Variants in COL5A2 observed in about 807,000 individuals in gnomAD.
COL5A2 encodes collagen type V alpha 2 chain.
COL5A2 carries 23 observed loss-of-function variants against 208.2 expected under a neutral mutation model. The observed-to-expected ratio is 0.11, with a 90% CI of 0.08 to 0.16. The LOEUF (loss-of-function observed/expected upper bound fraction) is 0.16. Ranked by LOEUF, COL5A2 falls within the 10% of genes least tolerant of loss-of-function variation. COL5A2 has a pLI of 1.00. For missense variants in COL5A2, 1,590 were observed against 1,956.4 expected (o/e 0.81, Z 3.53); for synonymous variants, 625 against 628.5 (o/e 0.99, Z 0.08).
intron 1 of COL5A2, among the ~76,000 whole-genome samples, chr2:189,176,338 C>T (rs1218338148): frequency 6.6e-6 from 1 of 152,160 alleles, no homozygotes; most frequent in Non-Finnish European, 1.5e-5. Context: ...AGTGGACATG[C>T]ACCTTCAGTT....
intron 16 of COL5A2, among the ~76,000 whole-genome samples, chr2:189,075,649 C>T (rs1339960403): frequency 6.6e-6 from 1 of 151,992 alleles, no homozygotes; most frequent in African/African-American, 2.4e-5. Flanking sequence ...TAGCAATAAG[C>T]AATAAAATCA....
intron 12 of COL5A2, among the ~76,000 whole-genome samples, chr2:189,081,948 C>T (rs1410807911): frequency 6.6e-6 from 1 of 152,072 alleles, no homozygotes; most frequent in Non-Finnish European, 1.5e-5. Flanking sequence ...TTACCACTGC[C>T]GCCAGTATAT....
At chr2:189,242,155 T>C in the COL5A2 span, among the ~76,000 whole-genome samples, 1,437 of 152,340 alleles carry the variant, frequency 9.4e-3, 11 homozygotes, top group Non-Finnish European at 0.016. Context: ...ATTTTTATTT[T>C]GTTTATAGTG....
chr2:189,187,529 ATTG>A (rs1163307135), intron 1 of COL5A2, among the ~76,000 whole-genome samples: 1 of 152,206 alleles, frequency 6.6e-6, no homozygotes, highest in African/African-American at 2.4e-5. Context: ...CTCATTGGTA[ATTG>A]TTGTAAGTAT....
chr2:189,036,900 C>A, intron 51 of COL5A2, 97 bp from the exon 52 acceptor site: 1 of 982,362 alleles, frequency 1.0e-6, no homozygotes, highest in African/African-American at 1.6e-5. Flanking sequence ...AATATACACT[C>A]ACTGATTAAG....
the COL5A2 span, among the ~76,000 whole-genome samples, chr2:189,401,628 A>G: frequency 6.6e-6 from 1 of 152,200 alleles, no homozygotes; most frequent in Non-Finnish European, 1.5e-5. Flanking sequence ...TAGGTCTTTG[A>G]GGAATCATGA....
chr2:189,226,372 T>A (rs769728544), upstream of COL5A2, among the ~76,000 whole-genome samples: 4 of 152,070 alleles, frequency 2.6e-5, no homozygotes, highest in Non-Finnish European at 4.4e-5. Flanking sequence ...CTAATTCTGT[T>A]TATGAGAAAT....
At chr2:189,284,807 C>T in the COL5A2 span, among the ~76,000 whole-genome samples, 1 of 152,072 alleles carries the variant, frequency 6.6e-6, no homozygotes, top group Non-Finnish European at 1.5e-5. Flanking sequence ...TAGCCTACTA[C>T]ACGCACAGGC....
At chr2:189,226,102 C>A (rs534426469), upstream of COL5A2, among the ~76,000 whole-genome samples, 2 of 152,060 alleles carry the variant, frequency 1.3e-5, no homozygotes, top group African/African-American at 4.8e-5. Flanking sequence ...CAGTTATGTC[C>A]GGATGCAATA....
At chr2:189,182,836 C>A (rs780957859), upstream of COL5A2, among the ~76,000 whole-genome samples, 7 of 152,138 alleles carry the variant, frequency 4.6e-5, no homozygotes, top group Non-Finnish European at 1.0e-4. Flanking sequence ...AAAATTGTCT[C>A]AGCGCCCTTT....
At chr2:189,210,483 T>A (rs1237481337) in intron 1 of COL5A2, among the ~76,000 whole-genome samples, 2 of 138,774 alleles carry the variant, frequency 1.4e-5, no homozygotes, top group Non-Finnish European at 3.1e-5. Context: ...AAACTGAAAA[T>A]CCAAATATGG....
At chr2:189,345,692 G>A in the COL5A2 span, among the ~76,000 whole-genome samples, 2 of 152,182 alleles carry the variant, frequency 1.3e-5, no homozygotes, top group African/African-American at 4.8e-5. Context: ...TTGGCAATAT[G>A]GAGGTTACTG....
At position 189,052,158 on chromosome 2, in the gene COL5A2, C is replaced by T. The variant is rs752531787; in HGVS notation, c.2769+14G>A. The T allele has an allele frequency of 1.2e-6, 2 of 1,612,068 alleles. No homozygotes were observed. The highest frequency in any genetic ancestry group is 3.3e-5 in the Admixed American group (2 of 59,994). ...ATTTCATTATCAGTGACTTGTCTCA[C>T]TAAGTTGACTTACAGCAGGGCCTGG... On this transcript the variant is annotated intron_variant, in intron 41 of 53. Transcript: ENST00000374866.
chr2:189,372,731 T>C, the COL5A2 span, among the ~76,000 whole-genome samples: 1 of 152,108 alleles, frequency 6.6e-6, no homozygotes, highest in African/African-American at 2.4e-5. Flanking sequence ...TTAATCAAAA[T>C]AGCATGTATT....
At chr2:189,323,973 G>C in the COL5A2 span, among the ~76,000 whole-genome samples, 1 of 152,136 alleles carries the variant, frequency 6.6e-6, no homozygotes, top group African/African-American at 2.4e-5. Context: ...CCAAAACAGA[G>C]ATACAGACCA....
the COL5A2 span, among the ~76,000 whole-genome samples, chr2:189,394,237 A>C: frequency 7.9e-5 from 12 of 152,130 alleles, no homozygotes; most frequent in African/African-American, 2.9e-4. Context: ...TATGAATTGA[A>C]GAGTATAAGA....
chr2:189,229,593 A>C (rs1689456705), upstream of COL5A2, among the ~76,000 whole-genome samples: 1 of 151,800 alleles, frequency 6.6e-6, no homozygotes, highest in Admixed American at 6.6e-5. Context: ...AAGGACCAAA[A>C]ACAATAAAAT....
At chr2:189,081,776 A>G (rs1300048924) in intron 12 of COL5A2, among the ~76,000 whole-genome samples, 3 of 152,202 alleles carry the variant, frequency 2.0e-5, no homozygotes, top group Non-Finnish European at 2.9e-5. Context: ...TTAAATAAAA[A>G]ACAATAGAAA....
At chr2:189,237,943 C>T in the COL5A2 span, among the ~76,000 whole-genome samples, 4 of 151,784 alleles carry the variant, frequency 2.6e-5, no homozygotes, top group South Asian at 4.2e-4. Flanking sequence ...TAGCTTTTAT[C>T]GGATGGGAAA....
Sources: gnomAD v4.1 joint callset for allele counts (sites outside exome capture counted in the v4.1 genomes callset) on GRCh38, gnomAD v4.1.1 for gene constraint, MANE v1.5 for transcripts, NCBI Gene and HGNC (gene_info 2026-07-23, HGNC 2026-07-21) for gene names.